Variants in CHN1 observed in about 807,000 individuals in gnomAD.
CHN1 encodes N-chimaerin.
In CHN1, 37 loss-of-function variants were observed where a neutral mutation model predicts 59.5. The observed-to-expected ratio is 0.62, with a 90% CI of 0.48 to 0.82. The LOEUF is 0.82. Ranked by LOEUF, CHN1 falls within the 40% of genes least tolerant of loss-of-function variation. The pLI is 0.00. For synonymous variants in CHN1, 206 were observed against 200.4 expected, an observed-to-expected ratio of 1.03 and a Z score of -0.24; for missense variants, 469 against 571.0, an observed-to-expected ratio of 0.82 and a Z score of 1.82.
At chr2:174,937,640 T>C (rs934673031) in intron 3 of CHN1, among the ~76,000 whole-genome samples, 3 of 152,074 alleles carry the variant, frequency 2.0e-5, no homozygotes, top group African/African-American at 4.8e-5. Context: ...ATCCCCAATG[T>C]TGGGGACAGA....
At chr2:174,948,065 T>C (rs932373498) in intron 2 of CHN1, among the ~76,000 whole-genome samples, 2 of 152,208 alleles carry the variant, frequency 1.3e-5, no homozygotes, top group Non-Finnish European at 2.9e-5. Context: ...TATATACTTA[T>C]TAATGAAATT....
intron 2 of CHN1, among the ~76,000 whole-genome samples, chr2:174,945,865 T>C (rs935511921): frequency 6.6e-6 from 1 of 152,070 alleles, no homozygotes; most frequent in Non-Finnish European, 1.5e-5. Context: ...TAGGGACATA[T>C]ATAGAATAAA....
intron 1 of CHN1, among the ~76,000 whole-genome samples, chr2:174,959,447 A>C (rs1393357782): frequency 6.6e-6 from 1 of 152,166 alleles, no homozygotes; most frequent in Non-Finnish European, 1.5e-5. Flanking sequence ...GGGAAAGTTG[A>C]ATGGCTTAGG....
intron 9 of CHN1, chr2:174,811,973 A>G: frequency 4.0e-6 from 1 of 250,674 alleles, no homozygotes; most frequent in Non-Finnish European, 7.5e-6. Flanking sequence ...TAGTTTTAGT[A>G]GAGCATTTAT....
chr2:174,913,905 T>A lies in CHN1; in HGVS notation c.260+1153A>T, dbSNP rs545420637. ...TATATTTGACCTCTGTCTTCAGAAG[T>A]CTCTGCTTTTAAGTCTTTTCCAAAT... On this transcript the variant is annotated intron_variant, in intron 5 of 12. Transcript: ENST00000409900. Among the ~76,000 whole-genome samples the A allele has an allele frequency of 3.3e-5, 5 of 152,350 alleles. No individual in the cohort carries two copies. The South Asian group carries it at 1.0e-3, about 32-fold the overall frequency.
chr2:174,877,073 A>T (rs893422052), intron 6 of CHN1, among the ~76,000 whole-genome samples: 1 of 152,156 alleles, frequency 6.6e-6, no homozygotes, highest in African/African-American at 2.4e-5. Context: ...ACTAAATGTC[A>T]CACACTATAA....
chr2:174,828,835 T>C (rs1032147431), intron 7 of CHN1, among the ~76,000 whole-genome samples: 3 of 152,170 alleles, frequency 2.0e-5, no homozygotes, highest in Non-Finnish European at 4.4e-5. Flanking sequence ...AGAGAGTGAC[T>C]TTTGCCTAGA....
chr2:174,878,331 A>G (rs921606552), intron 5 of CHN1, among the ~76,000 whole-genome samples: 7 of 152,238 alleles, frequency 4.6e-5, no homozygotes, highest in Non-Finnish European at 7.3e-5. Context: ...TGCAATAATT[A>G]GGGACAACTA....
intron 5 of CHN1, among the ~76,000 whole-genome samples, chr2:174,912,060 T>C (rs1346997241): frequency 6.6e-6 from 1 of 152,050 alleles, no homozygotes; most frequent in African/African-American, 2.4e-5. Flanking sequence ...TCTTAATCAT[T>C]ATCATACAGG....
At chr2:174,815,913 A>T (rs1685237200) in intron 8 of CHN1, among the ~76,000 whole-genome samples, 1 of 152,150 alleles carries the variant, frequency 6.6e-6, no homozygotes, top group Admixed American at 6.5e-5. Context: ...AACCTAGTTT[A>T]CAAAGTTTTT....
intron 1 of CHN1, among the ~76,000 whole-genome samples, chr2:174,966,430 T>G (rs555619401): frequency 6.6e-6 from 1 of 151,892 alleles, no homozygotes; most frequent in African/African-American, 2.4e-5. Context: ...GTAAATGCAG[T>G]GCTCAATTCC....
chr2:175,005,159 A>T lies in CHN1; in HGVS notation c.-247T>A, dbSNP rs1692025657. 1 of 1,284,948 alleles carries T rather than the reference A, an allele frequency of 7.8e-7. No individual in the cohort carries two copies. The highest frequency in any genetic ancestry group is 1.6e-5 in the African/African-American group (1 of 63,438). The allele number at this position is 1,284,948 out of a possible 1,614,324, so 79.6% of individuals were successfully genotyped here. A position where few individuals can be genotyped will look rare whatever the true frequency, so the allele number is the denominator to read the frequency against. ...CCCCGCTAGCTCTCCGCGAGCCGGC[A>T]CTTGTCGCTGCCATCAGGCGCGGAG... is the stretch of plus-strand genomic sequence containing the variant. On this transcript the variant is annotated 5_prime_UTR_variant, in exon 1 of 13. Transcript: ENST00000409900.
At chr2:174,961,381 C>T (rs865783646) in intron 1 of CHN1, among the ~76,000 whole-genome samples, 5 of 152,118 alleles carry the variant, frequency 3.3e-5, no homozygotes, top group Admixed American at 6.5e-5. Flanking sequence ...CACCTGAGGT[C>T]GGGAGTTCAA....
chr2:174,986,456 A>G (rs1691344313), intron 1 of CHN1, among the ~76,000 whole-genome samples: 1 of 152,224 alleles, frequency 6.6e-6, no homozygotes, highest in Admixed American at 6.5e-5. Flanking sequence ...GTATGTAAAG[A>G]CGAAAACAAA....
chr2:174,810,275 A>C (rs1685029062), intron 10 of CHN1, among the ~76,000 whole-genome samples: 1 of 152,186 alleles, frequency 6.6e-6, no homozygotes. Context: ...ATTACTATAG[A>C]TCTTGCAGAT....
At chr2:174,924,757 TC>T (rs1352705176) in intron 3 of CHN1, among the ~76,000 whole-genome samples, 1 of 152,176 alleles carries the variant, frequency 6.6e-6, no homozygotes, top group Non-Finnish European at 1.5e-5. Context: ...TGCAAATACA[TC>T]AAATGAGGAA....
chr2:175,000,999 G>C (rs1005308430), intron 1 of CHN1, among the ~76,000 whole-genome samples: 1 of 152,170 alleles, frequency 6.6e-6, no homozygotes, highest in East Asian at 1.9e-4. Context: ...TGCAACTACA[G>C]TCTTGAACTT....
At chr2:174,848,966 G>A (rs377565982) in intron 6 of CHN1, among the ~76,000 whole-genome samples, 37 of 152,032 alleles carry the variant, frequency 2.4e-4, no homozygotes, top group African/African-American at 8.2e-4. Flanking sequence ...AAAATATAAC[G>A]GCCAACCGAC....
At position 174,826,501 on chromosome 2, in the gene CHN1, G is replaced by A. The variant is rs2646169; in HGVS notation, c.628-1983C>T. On this transcript the variant is annotated intron_variant, in intron 7 of 12. Transcript: ENST00000409900. ...TCAGGATAATCAGTATCATTTACTTGGTAAGGTGACTAAAGATGCAATGAA... is the reference window on the plus strand; with the variant it reads ...TCAGGATAATCAGTATCATTTACTTAGTAAGGTGACTAAAGATGCAATGAA... Among the ~76,000 whole-genome samples the A allele has an allele frequency of 7.8e-3, 1,186 of 152,254 alleles. 18 individuals are homozygous for A. Among genetic ancestry groups the A allele is most frequent in the African/African-American group, 0.026 (1,086 of 41,528 alleles).
Sources: gnomAD v4.1 joint callset for allele counts (sites outside exome capture counted in the v4.1 genomes callset) on GRCh38, gnomAD v4.1.1 for gene constraint, MANE v1.5 for transcripts, NCBI Gene and HGNC (gene_info 2026-07-23, HGNC 2026-07-21) for gene names.